PHF12: variants seen among roughly 807,000 people sequenced by gnomAD.
PHF12 encodes the protein PHD finger protein 12, also known as PHD factor 1.
Under a neutral mutation model 99.8 loss-of-function variants are expected in PHF12, and 6 were observed. The ratio of observed to expected loss-of-function variants is 0.06; its 90% confidence interval spans 0.03 to 0.12. The LOEUF (loss-of-function observed/expected upper bound fraction) is 0.12, where lower values mean the gene tolerates loss of function less well. Ranked by LOEUF, PHF12 falls within the 10% of genes least tolerant of loss-of-function variation. The pLI is 1.00. For missense variants in PHF12, 954 were observed against 1,300.1 expected (o/e 0.73, Z 4.09); for synonymous variants, 480 against 514.9 (o/e 0.93, Z 0.92).
intron 7 of PHF12, among the ~76,000 whole-genome samples, chr17:28,914,881 T>C (rs1436796322): frequency 1.3e-5 from 2 of 152,140 alleles, no homozygotes; most frequent in Non-Finnish European, 2.9e-5. Context: ...CATTCATACA[T>C]TCAACCAACA....
In PHF12 at chr17:28,951,345, T is replaced by A; in HGVS notation, c.-385A>T. The A allele has an allele frequency of 9.8e-7, 1 of 1,016,874 alleles. No individual in the cohort carries two copies. Among genetic ancestry groups the A allele is most frequent in the Non-Finnish European group, 1.2e-6 (1 of 847,024 alleles). 63.0% of individuals were successfully genotyped at this position (1,016,874 alleles called of 1,614,324 possible). On this transcript the variant is annotated 5_prime_UTR_variant, in exon 1 of 15. Transcript: ENST00000332830. ...GGGTATCGGAGGGGGGGTGAGAGGT[T>A]ACGTGAGGTTGTGGTACGTGAGGTG...
At chr17:28,936,147 G>A (rs546542143) in intron 2 of PHF12, among the ~76,000 whole-genome samples, 4 of 152,342 alleles carry the variant, frequency 2.6e-5, no homozygotes, top group African/African-American at 9.6e-5. Context: ...CAGTGTGGTT[G>A]ATCTGAGTCT....
In PHF12 at chr17:28,913,862, G is replaced by A. The variant is rs8073854; in HGVS notation, c.1293+17C>T. ...AAGGAAGGTTGGATTTGGAATCCCC[G>A]CCCCACCTTCACTCACCTCTTGCTG... On this transcript the variant is annotated intron_variant, in intron 8 of 14. Coordinates refer to ENST00000332830, the MANE Select transcript of PHF12 (RefSeq NM_001033561.2). 129 of 1,586,432 alleles carry A rather than the reference G, an allele frequency of 8.1e-5. No individual in the cohort carries two copies. In the African/African-American group the frequency reaches 1.3e-3, roughly 16 times the overall value.
At chr17:28,932,069 T>C (rs950252462) in intron 2 of PHF12, among the ~76,000 whole-genome samples, 3 of 152,160 alleles carry the variant, frequency 2.0e-5, no homozygotes, top group Non-Finnish European at 2.9e-5. Flanking sequence ...CATGACCATG[T>C]TTCCTCTCTG....
At position 28,906,307 on chromosome 17, in the gene PHF12, A is replaced by C; in HGVS notation, c.2891T>G (p.Ile964Ser). The change falls in exon 15 of 15, where the codon ATC becomes AGC. Residue 964 changes from isoleucine (I) to serine (S), a missense_variant. Transcript: ENST00000332830. The surrounding 1 kb of genome is among the most constrained non-coding windows in gnomAD (Gnocchi z 4.2). ...KLGCLQFVFS[I>S]TEFATKQPKG... ...GGGCTGTTTGGTCGCAAACTCAGTG[A>C]TGCTGAAGACAAACTGCAGGCAGCC... 1 of 1,614,234 alleles carries C rather than the reference A, an allele frequency of 6.2e-7. No homozygotes were observed. Among genetic ancestry groups the C allele is most frequent in the Non-Finnish European group, 8.5e-7 (1 of 1,180,034 alleles).
chr17:28,923,855 T>C, intron 4 of PHF12, 54 bp downstream of exon 4: 1 of 1,546,486 alleles, frequency 6.5e-7, no homozygotes, highest in East Asian at 2.3e-5. Flanking sequence ...GCTCTTGTGC[T>C]GGTCCTTTGG....
In PHF12 at chr17:28,911,216, G is replaced by A. The variant is rs139914566; in HGVS notation, c.2111C>T (p.Thr704Met). ...GGTTAAAGCGCTTCCTATGGATAAC[G>A]TGCCGGGGCTGACCTTGCCATCTGG... is the stretch of plus-strand genomic sequence containing the variant. ...PSSDGKVSPG[T>M]LSIGSALTVP... Residue 704 changes from threonine to methionine, a missense_variant, in exon 10 of 15, where the codon ACG becomes ATG. Coordinates refer to ENST00000332830, the MANE Select transcript of PHF12 (RefSeq NM_001033561.2). 4.4e-5 allele frequency: 71 copies of A among 1,614,040 alleles called. No individual in the cohort carries two copies. Among genetic ancestry groups the A allele is most frequent in the South Asian group, 2.7e-4 (25 of 91,092 alleles).
intron 5 of PHF12, among the ~76,000 whole-genome samples, chr17:28,919,908 C>A (rs2040132054): frequency 6.6e-6 from 1 of 152,142 alleles, no homozygotes; most frequent in Non-Finnish European, 1.5e-5. Context: ...GATCAATGCT[C>A]AGTACTCACT....
intron 9 of PHF12, 195 bp downstream of exon 9, chr17:28,912,287 C>G: frequency 2.2e-6 from 3 of 1,377,264 alleles, no homozygotes; most frequent in Non-Finnish European, 2.8e-6. Context: ...GCTTTCAGAG[C>G]CTAAGCAGTC....
At chr17:28,943,371 T>A (rs2040656401) in intron 2 of PHF12, among the ~76,000 whole-genome samples, 1 of 152,214 alleles carries the variant, frequency 6.6e-6, no homozygotes, top group Non-Finnish European at 1.5e-5. Context: ...GGCTCACACC[T>A]GTAATCCCAG....
At chr17:28,930,572 C>T (rs1690646430) in intron 2 of PHF12, among the ~76,000 whole-genome samples, 1 of 152,196 alleles carries the variant, frequency 6.6e-6, no homozygotes, top group African/African-American at 2.4e-5. Flanking sequence ...CACAATGAGA[C>T]AGAAGAGGAG....
Position 28,905,404 on chromosome 17 carries a change from CA to C in PHF12, c.*778del, listed in dbSNP as rs1598111701. On this transcript the variant is annotated 3_prime_UTR_variant, in exon 15 of 15. Transcript: ENST00000332830. ...GAAGAGGAGAGAAGTGGCAAGAGAA[CA>C]AAAAAAGGAGACAAAACAGGTTTAC... 1 of 151,810 alleles carries C rather than the reference CA, an allele frequency of 6.6e-6. No individual in the cohort carries two copies. The highest frequency in any genetic ancestry group is 1.5e-5 in the Non-Finnish European group (1 of 67,800). The allele number at this position is 151,810 out of a possible 1,614,324, so 9.4% of individuals were successfully genotyped here. A position where few individuals can be genotyped will look rare whatever the true frequency, so the allele number is the denominator to read the frequency against.
Position 28,937,613 on chromosome 17 carries a change from A to G in PHF12, c.249-10550T>C, listed in dbSNP as rs141569951. Among the ~76,000 whole-genome samples the G allele has an allele frequency of 2.0e-5, 3 of 152,314 alleles. No homozygotes were observed. The East Asian group carries it at 5.8e-4, about 29-fold the overall frequency. ...CCCCAAGTTTTATCGCCTTCTATGT[A>G]GAGCTGGCTGGTGGCATCTTCCCGG... is the stretch of plus-strand genomic sequence containing the variant. On this transcript the variant is annotated intron_variant, in intron 2 of 14. Transcript: ENST00000332830.
Position 28,950,554 on chromosome 17 carries a change from C to A in PHF12, c.67-308G>T. The A allele has an allele frequency of 3.9e-6, 2 of 511,684 alleles. No individual in the cohort carries two copies. The highest frequency in any genetic ancestry group is 6.9e-6 in the Non-Finnish European group (2 of 289,324). 31.7% of individuals were successfully genotyped at this position (511,684 alleles called of 1,614,324 possible). A position where few individuals can be genotyped will look rare whatever the true frequency, so the allele number is the denominator to read the frequency against. ...TGGACAGTGGGGGACTCCAAAGACC[C>A]GCTCGGGAGAGGCCCAAAGCCCGGT... is the stretch of plus-strand genomic sequence containing the variant. On this transcript the variant is annotated intron_variant, in intron 1 of 14. Coordinates refer to ENST00000332830, the MANE Select transcript of PHF12 (RefSeq NM_001033561.2). The surrounding 1 kb of genome is among the most constrained non-coding windows in gnomAD (Gnocchi z 5.7).
intron 2 of PHF12, among the ~76,000 whole-genome samples, chr17:28,948,318 CT>C (rs1445569477): frequency 2.6e-5 from 4 of 152,308 alleles, no homozygotes; most frequent in South Asian, 2.1e-4. Flanking sequence ...CTGGGAATAA[CT>C]GGTAAGCAAC....
intron 2 of PHF12, among the ~76,000 whole-genome samples, chr17:28,928,021 G>T (rs1186283930): frequency 6.6e-6 from 1 of 152,224 alleles, no homozygotes; most frequent in Non-Finnish European, 1.5e-5. Context: ...TGAGGCAGAA[G>T]AATTGCTTGA....
chr17:28,944,874 C>T (rs2040694460), intron 2 of PHF12: 1 of 152,196 alleles, frequency 6.6e-6, no homozygotes, highest in African/African-American at 2.4e-5. Flanking sequence ...TCAAAAACAA[C>T]ATGCTGACAA....
Position 28,912,854 on chromosome 17 carries a change from G to C in PHF12, c.1717C>G (p.Pro573Ala). Residue 573 changes from proline (P) to alanine (A), a missense_variant, in exon 9 of 15, where the codon CCA becomes GCA. By Grantham distance (27) the Pro-to-Ala change is conservative. Transcript: ENST00000332830. ...RRLPGANTPL[P>A]GLSHRQGWPR... is the part of the protein sequence containing the mutation. ...CAGCCTTGCCGGTGTGAGAGGCCTG[G>C]TAGTGGGGTGTTAGCGCCTGGAAGT... The C allele has an allele frequency of 2.5e-6, 4 of 1,610,412 alleles. No homozygotes were observed. The highest frequency in any genetic ancestry group is 3.4e-6 in the Non-Finnish European group (4 of 1,177,480).
At chr17:28,925,203 C>T (rs1404341223) in intron 3 of PHF12, 1 of 152,196 alleles carries the variant, frequency 6.6e-6, no homozygotes, top group African/African-American at 2.4e-5. Flanking sequence ...CCTATTTCTG[C>T]CACGGATCCC....
Sources: allele counts gnomAD v4.1 joint callset (sites outside exome capture counted in the v4.1 genomes callset), GRCh38; gene constraint gnomAD v4.1.1; non-coding constraint Gnocchi (gnomAD v3.1); transcripts MANE v1.5; gene names NCBI Gene and HGNC (gene_info 2026-07-23, HGNC 2026-07-21).